UQCC1: variants seen among roughly 807,000 people sequenced by gnomAD.
UQCC1 encodes bFGF-repressed Zic-binding protein.
Under a neutral mutation model 48.0 loss-of-function variants are expected in UQCC1, and 38 were observed. The ratio of observed to expected loss-of-function variants is 0.79; its 90% CI spans 0.61 to 1.04. The LOEUF (loss-of-function observed/expected upper bound fraction) is 1.04. Among genes scored for constraint, UQCC1 ranks in the 50% least tolerant of loss-of-function variants. The pLI, the probability that UQCC1 is intolerant of heterozygous loss-of-function variation, is 0.00. For synonymous variants in UQCC1, 111 were observed against 129.2 expected (o/e 0.86, Z 0.95); for missense variants, 368 against 381.8 (o/e 0.96, Z 0.30).
At chr20:35,384,966 C>CAAAAAAAAAAAAAAAAA (rs57141083) in intron 2 of UQCC1, among the ~76,000 whole-genome samples, 22 of 69,748 alleles carry the variant, frequency 3.2e-4, no homozygotes, top group African/African-American at 1.4e-3. Context: ...GAATCGGTCT[C>CAAAAAAAAAAAAAAAAA]AAAAAAAAAA....
intron 7 of UQCC1, among the ~76,000 whole-genome samples, chr20:35,324,217 C>A (rs775609152): frequency 1.4e-4 from 22 of 152,248 alleles, no homozygotes; most frequent in Admixed American, 6.5e-5. Flanking sequence ...ACTCTCCATT[C>A]CATGAGCCTT....
chr20:35,343,861 T>C (rs947478787), intron 7 of UQCC1, among the ~76,000 whole-genome samples: 3 of 152,202 alleles, frequency 2.0e-5, no homozygotes, highest in Non-Finnish European at 4.4e-5. Context: ...TCAGAATCTG[T>C]ATTTTAACAA....
chr20:35,374,934 T>C (rs571188546), intron 4 of UQCC1, among the ~76,000 whole-genome samples: 2 of 152,266 alleles, frequency 1.3e-5, no homozygotes, highest in African/African-American at 4.8e-5. Context: ...TATTACACTG[T>C]ATATAAATTA....
In UQCC1 at chr20:35,303,722, G is replaced by A. The variant is rs968844813; in HGVS notation, c.*213C>T. 2 of 633,014 alleles carry A rather than the reference G, an allele frequency of 3.2e-6. No individual in the cohort carries two copies. Among genetic ancestry groups the A allele is most frequent in the East Asian group, 2.9e-5 (1 of 34,868 alleles). 39.2% of individuals were successfully genotyped at this position (633,014 alleles called of 1,614,324 possible). On this transcript the variant is annotated 3_prime_UTR_variant, in exon 10 of 10. Coordinates refer to ENST00000374385, the MANE Select transcript of UQCC1 (RefSeq NM_018244.5). ...CTTCCCCTAAGGGAGAGGACACCCCGGGAGAGCTAGGGGTTCTCCCAGCCC... is the reference window on the plus strand; with the variant it reads ...CTTCCCCTAAGGGAGAGGACACCCCAGGAGAGCTAGGGGTTCTCCCAGCCC...
intron 6 of UQCC1, among the ~76,000 whole-genome samples, chr20:35,357,386 G>A (rs948959802): frequency 1.3e-5 from 2 of 152,318 alleles, no homozygotes; most frequent in Non-Finnish European, 2.9e-5. Context: ...TGGGCGTGGT[G>A]GCACATGCCT....
At chr20:35,343,789 G>A (rs377606241) in intron 7 of UQCC1, among the ~76,000 whole-genome samples, 76 of 152,166 alleles carry the variant, frequency 5.0e-4, no homozygotes, top group African/African-American at 1.7e-3. Flanking sequence ...AGCAACATCC[G>A]CATCACCTGG....
intron 7 of UQCC1, among the ~76,000 whole-genome samples, chr20:35,325,539 C>T (rs1253444658): frequency 2.6e-5 from 4 of 152,172 alleles, no homozygotes; most frequent in East Asian, 1.9e-4. Flanking sequence ...CAGAATTCTA[C>T]GTTGCATTGT....
intron 7 of UQCC1, among the ~76,000 whole-genome samples, chr20:35,323,564 C>T (rs1052166155): frequency 2.0e-5 from 3 of 152,240 alleles, no homozygotes; most frequent in African/African-American, 4.8e-5. Flanking sequence ...TCTTACCAAC[C>T]GTACTTAAGA....
intron 7 of UQCC1, among the ~76,000 whole-genome samples, chr20:35,317,426 T>C (rs553502965): frequency 1.0e-3 from 152 of 152,332 alleles, no homozygotes; most frequent in African/African-American, 3.4e-3. Flanking sequence ...TTTACAGCCA[T>C]GGATAATTTT....
At chr20:35,410,755 TAAAAAAAAAAA>T (rs57478774) in intron 1 of UQCC1, among the ~76,000 whole-genome samples, 1 of 40,502 alleles carries the variant, frequency 2.5e-5, no homozygotes, top group African/African-American at 9.3e-5. Context: ...GGGGAAGGAT[TAAAAAAAAAAA>T]AAAAAAAAAA....
chr20:35,358,356 C>CAAAAAAAAAAAA (rs1198006186), intron 6 of UQCC1, among the ~76,000 whole-genome samples: 5 of 49,390 alleles, frequency 1.0e-4, no homozygotes, highest in Admixed American at 3.3e-4. Context: ...GACTCTGTCT[C>CAAAAAAAAAAAA]AAAAAAAAAA....
intron 2 of UQCC1, 127 bp downstream of exon 2, chr20:35,393,965 A>G: frequency 1.2e-6 from 1 of 811,504 alleles, no homozygotes; most frequent in Non-Finnish European, 2.0e-6. Flanking sequence ...AGTTGGCACC[A>G]CAGAGACCCA....
intron 1 of UQCC1, among the ~76,000 whole-genome samples, chr20:35,400,712 G>C (rs1203716155): frequency 1.3e-5 from 2 of 151,844 alleles, no homozygotes; most frequent in African/African-American, 4.8e-5. Flanking sequence ...CGCCAGGATG[G>C]TCTTGATCTC....
At chr20:35,343,644 A>G (rs1439807710) in intron 7 of UQCC1, among the ~76,000 whole-genome samples, 1 of 152,176 alleles carries the variant, frequency 6.6e-6, no homozygotes, top group Non-Finnish European at 1.5e-5. Context: ...TTATTTTAAA[A>G]CCATCATCCT....
intron 7 of UQCC1, among the ~76,000 whole-genome samples, chr20:35,341,191 A>C (rs1435843739): frequency 6.8e-6 from 1 of 147,724 alleles, no homozygotes; most frequent in African/African-American, 2.5e-5. Flanking sequence ...ACTGTACTCC[A>C]GTCTGGGTGA....
At chr20:35,361,186 C>A (rs2061601459) in intron 6 of UQCC1, among the ~76,000 whole-genome samples, 1 of 145,844 alleles carries the variant, frequency 6.9e-6, no homozygotes, top group African/African-American at 2.6e-5. Flanking sequence ...TATATGGTGG[C>A]TGAGCATAAG....
chr20:35,310,519 G>T (rs1555801525), intron 8 of UQCC1, among the ~76,000 whole-genome samples: 1 of 151,284 alleles, frequency 6.6e-6, no homozygotes, highest in Non-Finnish European at 1.5e-5. Flanking sequence ...GGTGGCGCCT[G>T]CCTCTAGTCC....
intron 5 of UQCC1, among the ~76,000 whole-genome samples, chr20:35,367,872 C>G (rs560485996): frequency 6.6e-6 from 1 of 152,142 alleles, no homozygotes; most frequent in Non-Finnish European, 1.5e-5. Context: ...TCATCACCCC[C>G]CCAGAAATGA....
intron 7 of UQCC1, among the ~76,000 whole-genome samples, chr20:35,331,262 G>A (rs971961460): frequency 3.9e-5 from 6 of 152,034 alleles, no homozygotes; most frequent in Non-Finnish European, 7.4e-5. Flanking sequence ...AGGAAAGGGG[G>A]CAACACACAC....
Sources: allele counts gnomAD v4.1 joint callset (sites outside exome capture counted in the v4.1 genomes callset), GRCh38; gene constraint gnomAD v4.1.1; transcripts MANE v1.5; gene names NCBI Gene and HGNC (gene_info 2026-07-23, HGNC 2026-07-21).